The following JARID2 variants were observed in gnomAD, a reference collection of about 807,000 sequenced individuals.
The protein encoded by JARID2 is protein Jumonji.
A neutral mutation model predicts 125.6 loss-of-function variants in JARID2; 21 were observed. The observed-to-expected ratio is 0.17, with a 90% CI of 0.12 to 0.24. JARID2 has a LOEUF of 0.24. Ranked by LOEUF, JARID2 falls within the 10% of genes least tolerant of loss-of-function variation. The pLI is 1.00. For synonymous variants in JARID2, 736 were observed against 661.6 expected (o/e 1.11, Z -1.73); for missense variants, 1,303 against 1,639.6 (o/e 0.79, Z 3.55).
chr6:15,437,960 T>C (rs1767282522), intron 3 of JARID2, among the ~76,000 whole-genome samples: 1 of 152,256 alleles, frequency 6.6e-6, no homozygotes, highest in East Asian at 1.9e-4. Flanking sequence ...GCAGAATAGA[T>C]AGAAGATAGA....
chr6:15,263,942 G>T (rs115203645), intron 1 of JARID2, among the ~76,000 whole-genome samples: 353 of 152,230 alleles, frequency 2.3e-3, no homozygotes, highest in African/African-American at 8.1e-3. Context: ...ACCCAAACTG[G>T]AGTGCCGTGA....
In JARID2 at chr6:15,496,778, A is replaced by T. The variant is rs149052289; in HGVS notation, c.1553A>T (p.Asp518Val). 71 of 1,612,768 alleles carry T rather than the reference A, an allele frequency of 4.4e-5. No individual in the cohort carries two copies. The African/African-American group carries it at 8.8e-4, about 20-fold the overall frequency. The change falls in exon 7 of 18, where the codon GAC becomes GTC. Residue 518 changes from aspartate (D) to valine (V), a missense_variant. Physicochemically the swap from Asp to Val is radical, Grantham distance 152. Transcript: ENST00000341776. ...TPGRQAHGKA[D>V]SASCENRSTS... ...GGCAGACAAGCACATGGCAAGGCGGACAGCGCCTCCTGTGAAAATCGTTCT... is the reference window on the plus strand; with the variant it reads ...GGCAGACAAGCACATGGCAAGGCGGTCAGCGCCTCCTGTGAAAATCGTTCT...
chr6:15,279,438 AGCCCCATGGCACG>A (rs1435951473), intron 1 of JARID2, among the ~76,000 whole-genome samples: 1 of 152,176 alleles, frequency 6.6e-6, no homozygotes, highest in Non-Finnish European at 1.5e-5. Context: ...TTACATGTTT[AGCCCCATGGCACG>A]GCTTACTGCT....
At chr6:15,503,489 C>T (rs56179720) in intron 8 of JARID2, among the ~76,000 whole-genome samples, 8 of 152,290 alleles carry the variant, frequency 5.3e-5, no homozygotes, top group East Asian at 1.9e-4. Flanking sequence ...TCTAGGGGGA[C>T]GCTGCGGTGT....
intron 1 of JARID2, among the ~76,000 whole-genome samples, chr6:15,316,840 G>A (rs1762196442): frequency 6.6e-6 from 1 of 152,194 alleles, no homozygotes; most frequent in Non-Finnish European, 1.5e-5. Flanking sequence ...AAAGCAGTAT[G>A]ATTTGGTTAA....
At chr6:15,292,190 T>G (rs1294510055) in intron 1 of JARID2, among the ~76,000 whole-genome samples, 1 of 152,002 alleles carries the variant, frequency 6.6e-6, no homozygotes, top group African/African-American at 2.4e-5. Flanking sequence ...CTAATTTTTT[T>G]TTTTGTATTT....
At chr6:15,295,150 C>T (rs1761365297) in intron 1 of JARID2, among the ~76,000 whole-genome samples, 1 of 127,374 alleles carries the variant, frequency 7.9e-6, no homozygotes, top group Admixed American at 9.3e-5. Context: ...GAGACGGAGT[C>T]TTGCTCTGTC....
At chr6:15,272,114 G>C (rs1168758740) in intron 1 of JARID2, among the ~76,000 whole-genome samples, 1 of 152,204 alleles carries the variant, frequency 6.6e-6, no homozygotes, top group African/African-American at 2.4e-5. Context: ...AACAGAGTTA[G>C]ACTCTGTCTC....
intron 5 of JARID2, among the ~76,000 whole-genome samples, chr6:15,484,449 T>C (rs1769769689): frequency 6.6e-6 from 1 of 152,218 alleles, no homozygotes; most frequent in Non-Finnish European, 1.5e-5. Context: ...CTTTATACTC[T>C]GTCTGCAGGG....
chr6:15,361,687 C>A (rs751118417), intron 1 of JARID2, among the ~76,000 whole-genome samples: 4 of 151,978 alleles, frequency 2.6e-5, no homozygotes, highest in Non-Finnish European at 5.9e-5. Context: ...CTTCATTAAA[C>A]CCCCAACTGC....
intron 3 of JARID2, among the ~76,000 whole-genome samples, chr6:15,433,408 CTCTGTGTG>C (rs1186424259): frequency 1.1e-5 from 1 of 93,510 alleles, no homozygotes; most frequent in Non-Finnish European, 2.1e-5. Flanking sequence ...CCCCATGTCT[CTCTGTGTG>C]TGTGTGTGTG....
At chr6:15,356,670 T>A (rs1007175536) in intron 1 of JARID2, among the ~76,000 whole-genome samples, 4 of 152,216 alleles carry the variant, frequency 2.6e-5, no homozygotes, top group African/African-American at 9.6e-5. Flanking sequence ...GACAAGCGAC[T>A]GAGTTGTTTT....
chr6:15,510,118 C>T (rs940947798), intron 12 of JARID2, among the ~76,000 whole-genome samples: 3 of 151,484 alleles, frequency 2.0e-5, no homozygotes, highest in Admixed American at 6.6e-5. Context: ...ACCTGGGGGG[C>T]GGGGGCTGTG....
chr6:15,407,610 T>TA (rs1478593844), intron 2 of JARID2, among the ~76,000 whole-genome samples: 1 of 152,214 alleles, frequency 6.6e-6, no homozygotes, highest in Non-Finnish European at 1.5e-5. Context: ...GTTCGTTTTT[T>TA]ATACCAATAT....
At chr6:15,437,486 G>C (rs927796180) in intron 3 of JARID2, among the ~76,000 whole-genome samples, 9 of 152,174 alleles carry the variant, frequency 5.9e-5, no homozygotes, top group African/African-American at 2.2e-4. Flanking sequence ...TCTATCTGCA[G>C]TGCTAGTTTG....
chr6:15,403,679 C>T (rs901412390), intron 2 of JARID2, among the ~76,000 whole-genome samples: 11 of 152,114 alleles, frequency 7.2e-5, no homozygotes, highest in Non-Finnish European at 5.9e-5. Flanking sequence ...TAGTATCTAA[C>T]GCTTTCTCAA....
At chr6:15,446,384 C>T (rs1256597258) in intron 3 of JARID2, among the ~76,000 whole-genome samples, 2 of 152,164 alleles carry the variant, frequency 1.3e-5, no homozygotes, top group East Asian at 1.9e-4. Context: ...CACCTCTCTC[C>T]GAGGAGGTGA....
At chr6:15,469,339 GTCTCTCTC>G (rs146456388) in intron 5 of JARID2, among the ~76,000 whole-genome samples, 2,039 of 14,188 alleles carry the variant, frequency 0.14, 215 homozygotes, top group Middle Eastern at 0.34. Flanking sequence ...TCTCTCTCCT[GTCTCTCTC>G]TCTCTCTCTC....
chr6:15,471,683 T>G (rs577742998), intron 5 of JARID2, among the ~76,000 whole-genome samples: 1 of 152,192 alleles, frequency 6.6e-6, no homozygotes, highest in African/African-American at 2.4e-5. Flanking sequence ...TGCTGATTTT[T>G]CTCATGGATT....
Sources: gnomAD v4.1 joint callset for allele counts (sites outside exome capture counted in the v4.1 genomes callset) on GRCh38, gnomAD v4.1.1 for gene constraint, MANE v1.5 for transcripts, NCBI Gene and HGNC (gene_info 2026-07-23, HGNC 2026-07-21) for gene names.